Variants in EYA4 observed in about 807,000 individuals in gnomAD.
EYA4 encodes EYA transcriptional coactivator and phosphatase 4, also known as protein phosphatase EYA4.
A neutral mutation model predicts 87.9 loss-of-function variants in EYA4; 31 were observed. That is an observed-to-expected ratio of 0.35 (90% CI 0.27 to 0.48). The LOEUF (loss-of-function observed/expected upper bound fraction) is 0.48. Ranked by LOEUF, EYA4 falls within the 20% of genes least tolerant of loss-of-function variation. The pLI, the probability that EYA4 is intolerant of heterozygous loss-of-function variation, is 0.99. For synonymous variants in EYA4, 263 were observed against 270.6 expected (o/e 0.97, Z 0.28); for missense variants, 678 against 761.4 (o/e 0.89, Z 1.29).
intron 1 of EYA4, among the ~76,000 whole-genome samples, chr6:133,263,005 G>C (rs1037724184): frequency 2.6e-5 from 4 of 152,186 alleles, no homozygotes; most frequent in African/African-American, 9.6e-5. Context: ...TAGAATTGGA[G>C]CTAGGTGTTC....
At chr6:133,462,845 A>C in intron 9 of EYA4, 81 bp downstream of exon 9, 7 of 1,285,566 alleles carry the variant, frequency 5.4e-6, no homozygotes, top group Non-Finnish European at 6.8e-6. Context: ...AGGAATATCC[A>C]ATCATGAAGG....
At chr6:133,240,863 G>T (rs1458789175), upstream of EYA4, 1 of 152,534 alleles carries the variant, frequency 6.6e-6, no homozygotes, top group Non-Finnish European at 1.5e-5. Flanking sequence ...TCCGGCAGGG[G>T]GCCCGCAGTG....
chr6:133,262,993 C>T (rs1393461610), intron 1 of EYA4, among the ~76,000 whole-genome samples: 1 of 152,118 alleles, frequency 6.6e-6, no homozygotes, highest in East Asian at 1.9e-4. Flanking sequence ...AACAGTTGGC[C>T]ATAGAATTGG....
chr6:133,360,315 T>G (rs538091076), intron 2 of EYA4: 1 of 152,286 alleles, frequency 6.6e-6, no homozygotes, highest in African/African-American at 2.4e-5. Flanking sequence ...GACTTTTACT[T>G]ACTTTATTAT....
At chr6:133,524,761 G>A (rs563440358) in intron 18 of EYA4, among the ~76,000 whole-genome samples, 1 of 152,258 alleles carries the variant, frequency 6.6e-6, no homozygotes, top group Admixed American at 6.5e-5. Flanking sequence ...TACTCTGTTG[G>A]TGGAGAAAAA....
At chr6:133,256,173 ATAAT>A (rs1301755952) in intron 1 of EYA4, among the ~76,000 whole-genome samples, 1 of 151,240 alleles carries the variant, frequency 6.6e-6, no homozygotes, top group Non-Finnish European at 1.5e-5. Flanking sequence ...ATTAGGATAA[ATAAT>A]TCTATTAACG....
At chr6:133,276,913 A>G (rs1777222073) in intron 2 of EYA4, among the ~76,000 whole-genome samples, 1 of 150,070 alleles carries the variant, frequency 6.7e-6, no homozygotes, top group Non-Finnish European at 1.5e-5. Flanking sequence ...AAAAAAAAAA[A>G]AAAAAGAAAA....
At chr6:133,475,337 G>A (rs957609761) in intron 11 of EYA4, among the ~76,000 whole-genome samples, 6 of 151,938 alleles carry the variant, frequency 3.9e-5, no homozygotes, top group African/African-American at 9.7e-5. Context: ...TTTTTATAGC[G>A]CCTCCTTTTC....
At chr6:133,336,492 G>A (rs1219692080) in intron 2 of EYA4, among the ~76,000 whole-genome samples, 3 of 152,130 alleles carry the variant, frequency 2.0e-5, no homozygotes, top group Non-Finnish European at 4.4e-5. Flanking sequence ...AAGAAATGGA[G>A]GATGAATTAA....
chr6:133,302,899 AT>A (rs1196263505), intron 2 of EYA4, among the ~76,000 whole-genome samples: 1 of 152,230 alleles, frequency 6.6e-6, no homozygotes, highest in South Asian at 2.1e-4. Flanking sequence ...GGGTTTGCAG[AT>A]TTTTTTCTTT....
intron 3 of EYA4, among the ~76,000 whole-genome samples, chr6:133,439,901 G>A (rs1441534867): frequency 1.3e-5 from 2 of 152,074 alleles, no homozygotes; most frequent in Non-Finnish European, 2.9e-5. Context: ...ATATTCCAAG[G>A]GCTTAAAGGT....
intron 1 of EYA4, among the ~76,000 whole-genome samples, chr6:133,258,277 A>C (rs1775508934): frequency 6.6e-6 from 1 of 152,138 alleles, no homozygotes; most frequent in African/African-American, 2.4e-5. Context: ...CTACCACCTG[A>C]TGTCTTTACA....
intron 13 of EYA4, among the ~76,000 whole-genome samples, chr6:133,494,672 T>C (rs1177140218): frequency 1.2e-5 from 1 of 81,462 alleles, no homozygotes. Flanking sequence ...ACCCTGCCTC[T>C]ACAAAAAAAA....
intron 1 of EYA4, among the ~76,000 whole-genome samples, chr6:133,250,358 G>C (rs1774788852): frequency 6.6e-6 from 1 of 152,100 alleles, no homozygotes; most frequent in South Asian, 2.1e-4. Flanking sequence ...AAAGAATATG[G>C]GGGCTGGGCG....
At chr6:133,447,195 C>G (rs1269552578) in intron 4 of EYA4, among the ~76,000 whole-genome samples, 4 of 152,062 alleles carry the variant, frequency 2.6e-5, no homozygotes, top group Non-Finnish European at 5.9e-5. Context: ...TAAAAAAACA[C>G]ATGGTTTTGG....
At chr6:133,266,217 C>T (rs187671314) in intron 1 of EYA4, among the ~76,000 whole-genome samples, 1 of 152,064 alleles carries the variant, frequency 6.6e-6, no homozygotes, top group Admixed American at 6.5e-5. Flanking sequence ...GACTGTTGTA[C>T]TTAAGAGGAA....
intron 6 of EYA4, among the ~76,000 whole-genome samples, chr6:133,457,059 A>G (rs1793972676): frequency 6.6e-6 from 1 of 152,024 alleles, no homozygotes; most frequent in Non-Finnish European, 1.5e-5. Flanking sequence ...TTCCTTCTAA[A>G]TAACCTTGTT....
At chr6:133,386,383 A>G (rs1786750701) in intron 3 of EYA4, among the ~76,000 whole-genome samples, 1 of 152,168 alleles carries the variant, frequency 6.6e-6, no homozygotes, top group East Asian at 1.9e-4. Context: ...TAACTCCTCT[A>G]CTTTCAGTCC....
intron 13 of EYA4, among the ~76,000 whole-genome samples, chr6:133,505,208 A>G (rs1798489592): frequency 6.6e-6 from 1 of 152,162 alleles, no homozygotes; most frequent in African/African-American, 2.4e-5. Context: ...AGCATGAATT[A>G]CTTCCCTATT....
Sources: allele counts gnomAD v4.1 joint callset (sites outside exome capture counted in the v4.1 genomes callset), GRCh38; gene constraint gnomAD v4.1.1; transcripts MANE v1.5; gene names NCBI Gene and HGNC (gene_info 2026-07-23, HGNC 2026-07-21).